AUTS2: variants seen among roughly 807,000 people sequenced by gnomAD.
The protein encoded by AUTS2 is activator of transcription and developmental regulator AUTS2, also known as autism susceptibility gene 2 protein.
Under a neutral mutation model 112.4 loss-of-function variants are expected in AUTS2, and 17 were observed. The ratio of observed to expected loss-of-function variants is 0.15; its 90% CI spans 0.10 to 0.23. AUTS2 has a LOEUF of 0.23. AUTS2 is among the 10% of genes least tolerant of loss of function. The pLI is 1.00. For missense variants in AUTS2, 1,510 were observed against 1,701.6 expected (o/e 0.89, Z 1.98); for synonymous variants, 751 against 702.7 (o/e 1.07, Z -1.09).
intron 5 of AUTS2, among the ~76,000 whole-genome samples, chr7:70,611,588 C>A (rs1304387454): frequency 2.6e-5 from 4 of 152,178 alleles, no homozygotes; most frequent in African/African-American, 9.7e-5. Context: ...CTAACTAATC[C>A]AGTGGGGAAA....
At position 70,791,308 on chromosome 7, in the gene AUTS2, G is replaced by A. The variant is rs971310430; in HGVS notation, c.*312G>A. 1.2e-4 allele frequency: 26 copies of A among 215,692 alleles called. No individual in the cohort carries two copies. Among genetic ancestry groups the A allele is most frequent in the African/African-American group, 5.5e-4 (24 of 43,736 alleles). 13.4% of individuals were successfully genotyped at this position (215,692 alleles called of 1,614,324 possible). On this transcript the variant is annotated 3_prime_UTR_variant, in exon 19 of 19. Transcript: ENST00000342771. ...ACCAATTGGATGATAATTGTAGCGG[G>A]GGCGGTGGGGGGGAGAAGTCCACGC...
At chr7:70,490,707 A>T (rs761036975) in intron 5 of AUTS2, among the ~76,000 whole-genome samples, 1 of 152,176 alleles carries the variant, frequency 6.6e-6, no homozygotes, top group Admixed American at 6.5e-5. Context: ...AGTCAATCTG[A>T]TAGATCTGGG....
At chr7:70,671,850 C>A (rs1014660534) in intron 5 of AUTS2, among the ~76,000 whole-genome samples, 1 of 152,194 alleles carries the variant, frequency 6.6e-6, no homozygotes, top group African/African-American at 2.4e-5. Flanking sequence ...GGCCTGTTTG[C>A]AACCTTTGCT....
At chr7:70,731,372 T>C (rs1254676536) in intron 6 of AUTS2, among the ~76,000 whole-genome samples, 2 of 149,536 alleles carry the variant, frequency 1.3e-5, no homozygotes, top group Non-Finnish European at 3.0e-5. Context: ...ATAGGAAGGT[T>C]GCAAGAATAA....
At chr7:70,355,108 GT>G (rs199555418) in intron 4 of AUTS2, among the ~76,000 whole-genome samples, 3,698 of 149,490 alleles carry the variant, frequency 0.025, 57 homozygotes, top group Non-Finnish European at 0.038. Flanking sequence ...ATGTATGGGT[GT>G]GTGTGTGTGT....
intron 2 of AUTS2, among the ~76,000 whole-genome samples, chr7:69,999,397 T>C (rs1799087341): frequency 6.6e-6 from 1 of 152,228 alleles, no homozygotes; most frequent in African/African-American, 2.4e-5. Context: ...AAGATAATTT[T>C]CCCCCTACTT....
At chr7:69,962,286 G>T (rs541102807) in intron 2 of AUTS2, among the ~76,000 whole-genome samples, 17 of 152,240 alleles carry the variant, frequency 1.1e-4, no homozygotes, top group African/African-American at 3.4e-4. Context: ...TTGGCAGTGG[G>T]CCCTGGCTTC....
At chr7:70,407,336 G>C (rs1429272779) in intron 4 of AUTS2, among the ~76,000 whole-genome samples, 1 of 152,020 alleles carries the variant, frequency 6.6e-6, no homozygotes, top group Non-Finnish European at 1.5e-5. Context: ...GCTTTTCCAG[G>C]CTCTTTTTTG....
rs573488864 is a variant in AUTS2 at position 70,775,362 on chromosome 7, A to G, written c.1908A>G (p.Thr636=). The change falls in exon 13 of 19, where the codon ACA becomes ACG. Residue 636 remains threonine (T), a synonymous_variant. Transcript: ENST00000342771. ...TTGTCATTTTCTCTTCACAGTTGAC[A>G]GATCCTTTCAGACCTATGTTAAGGG... ...HTLLQKDPRL[T]DPFRPMLRKP... The G allele has an allele frequency of 6.2e-7, 1 of 1,613,140 alleles. No individual in the cohort carries two copies. The highest frequency in any genetic ancestry group is 1.3e-5 in the African/African-American group (1 of 75,018).
At chr7:70,369,680 A>G (rs944099148) in intron 4 of AUTS2, among the ~76,000 whole-genome samples, 8 of 152,228 alleles carry the variant, frequency 5.3e-5, no homozygotes, top group African/African-American at 1.7e-4. Context: ...GAGTTGGTAC[A>G]ATATGGAAGG....
At chr7:70,558,370 G>A (rs550362202) in intron 5 of AUTS2, among the ~76,000 whole-genome samples, 2 of 152,294 alleles carry the variant, frequency 1.3e-5, no homozygotes, top group East Asian at 1.9e-4. Context: ...CTCTCTCTGT[G>A]TACTTCCTTA....
At chr7:69,928,079 A>C (rs1350944575) in intron 2 of AUTS2, among the ~76,000 whole-genome samples, 1 of 152,182 alleles carries the variant, frequency 6.6e-6, no homozygotes, top group Non-Finnish European at 1.5e-5. Context: ...GCAGAAAGGA[A>C]CTTTATTGAG....
intron 5 of AUTS2, among the ~76,000 whole-genome samples, chr7:70,458,125 C>A (rs956616944): frequency 2.4e-4 from 37 of 152,236 alleles, no homozygotes; most frequent in Admixed American, 1.8e-3. Context: ...CTCAGGCCAC[C>A]CCTCCTTCTA....
Position 70,767,919 on chromosome 7 carries a change from CTCATGACAGCT to C in AUTS2, c.1690-103_1690-93del, listed in dbSNP as rs1380794762. 2.0e-5 allele frequency: 22 copies of C among 1,091,664 alleles called. No homozygotes were observed. The East Asian group carries it at 5.1e-4, about 25-fold the overall frequency. 67.6% of individuals were successfully genotyped at this position (1,091,664 alleles called of 1,614,324 possible). On this transcript the variant is annotated intron_variant, in intron 9 of 18. Coordinates refer to ENST00000342771, the MANE Select transcript of AUTS2 (RefSeq NM_015570.4). ...TTCATATGTAATGAGGTTATGGGGT[CTCATGACAGCT>C]TAATGACAGGGAAGCTTTGTAGGGC...
chr7:70,789,514 C>T (rs1035152614), intron 18 of AUTS2, among the ~76,000 whole-genome samples: 2 of 152,040 alleles, frequency 1.3e-5, no homozygotes, highest in Non-Finnish European at 2.9e-5. Flanking sequence ...CAGCAGACTC[C>T]CCCTCACCCT....
chr7:69,713,618 G>A (rs1798442108), intron 1 of AUTS2, among the ~76,000 whole-genome samples: 1 of 151,818 alleles, frequency 6.6e-6, no homozygotes, highest in African/African-American at 2.4e-5. Context: ...GTGCCACCAT[G>A]CCTGGCTCAT....
chr7:69,820,417 A>T (rs1191287757), intron 1 of AUTS2, among the ~76,000 whole-genome samples: 2 of 152,246 alleles, frequency 1.3e-5, no homozygotes, highest in Non-Finnish European at 2.9e-5. Flanking sequence ...ATTTTGGGGC[A>T]TCGCCCAGAC....
At chr7:70,278,126 T>C (rs1238541004) in intron 4 of AUTS2, among the ~76,000 whole-genome samples, 1 of 152,166 alleles carries the variant, frequency 6.6e-6, no homozygotes, top group East Asian at 1.9e-4. Flanking sequence ...TACAGACGTT[T>C]GTGGGTACTT....
At chr7:69,867,068 T>C (rs1793268695) in intron 1 of AUTS2, among the ~76,000 whole-genome samples, 1 of 152,162 alleles carries the variant, frequency 6.6e-6, no homozygotes, top group South Asian at 2.1e-4. Context: ...GTTAGGGTGA[T>C]GTGGGGCCTG....
Sources: allele counts gnomAD v4.1 joint callset (sites outside exome capture counted in the v4.1 genomes callset), GRCh38; gene constraint gnomAD v4.1.1; transcripts MANE v1.5; gene names NCBI Gene and HGNC (gene_info 2026-07-23, HGNC 2026-07-21).